Variants in KCNIP1 observed in about 807,000 individuals in gnomAD.
KCNIP1 encodes the protein potassium voltage-gated channel interacting protein 1.
KCNIP1 carries 18 observed loss-of-function variants against 33.0 expected under a neutral mutation model. That is an observed-to-expected ratio of 0.55 (90% confidence interval 0.38 to 0.81). KCNIP1 has a LOEUF of 0.81. Among genes scored for constraint, KCNIP1 ranks in the 30% least tolerant of loss-of-function variants. KCNIP1 has a pLI of 0.00. For missense variants in KCNIP1, 238 were observed against 271.6 expected, an observed-to-expected ratio of 0.88 and a Z score of 0.87; for synonymous variants, 93 against 98.3, an observed-to-expected ratio of 0.95 and a Z score of 0.32.
chr5:170,454,630 T>C (rs1466812785), intron 1 of KCNIP1, among the ~76,000 whole-genome samples: 1 of 152,224 alleles, frequency 6.6e-6, no homozygotes, highest in African/African-American at 2.4e-5. Flanking sequence ...AAACTTTACC[T>C]GGTAAAACTA....
At chr5:170,611,643 C>A (rs1475499038) in intron 1 of KCNIP1, among the ~76,000 whole-genome samples, 2 of 152,200 alleles carry the variant, frequency 1.3e-5, no homozygotes, top group African/African-American at 4.8e-5. Context: ...CCCGGCACAC[C>A]CACCTCCCAA....
intron 1 of KCNIP1, among the ~76,000 whole-genome samples, chr5:170,649,728 A>G (rs1041084367): frequency 1.3e-5 from 2 of 152,136 alleles, no homozygotes; most frequent in Non-Finnish European, 2.9e-5. Flanking sequence ...CACCCAGCCT[A>G]TCCATCCTGG....
At position 170,574,482 on chromosome 5, in the gene KCNIP1, A is replaced by G. The variant is rs79997136; in HGVS notation, c.61+69849A>G. ...GATCAAGGAATAAATGTTTGAAAGCAAAAGTTGTCAGGAGCACCTCCTCCT... is the reference window on the plus strand; with the variant it reads ...GATCAAGGAATAAATGTTTGAAAGCGAAAGTTGTCAGGAGCACCTCCTCCT... On this transcript the variant is annotated intron_variant, in intron 1 of 7. Coordinates refer to ENST00000328939, the MANE Select transcript of KCNIP1 (RefSeq NM_014592.4). 8.7e-3 allele frequency among the ~76,000 whole-genome samples: 1,329 copies of G among 152,358 alleles called. 5 individuals carry two copies. Among genetic ancestry groups the G allele is most frequent in the Admixed American group, 0.014 (208 of 15,302 alleles).
chr5:170,654,602 TG>T (rs1761188914), intron 1 of KCNIP1, among the ~76,000 whole-genome samples: 1 of 152,250 alleles, frequency 6.6e-6, no homozygotes, highest in African/African-American at 2.4e-5. Context: ...CAGCTACTGT[TG>T]GATTTGTTCA....
chr5:170,578,080 T>A (rs1757665089), intron 1 of KCNIP1, among the ~76,000 whole-genome samples: 1 of 152,226 alleles, frequency 6.6e-6, no homozygotes, highest in Non-Finnish European at 1.5e-5. Flanking sequence ...TCAACAAACA[T>A]GTCTTGAGTG....
chr5:170,371,243 G>A (rs939695575), intron 1 of KCNIP1, among the ~76,000 whole-genome samples: 4 of 152,150 alleles, frequency 2.6e-5, no homozygotes, highest in South Asian at 2.1e-4. Flanking sequence ...AGCTGGCCTC[G>A]TGGTCCTGTC....
intron 1 of KCNIP1, among the ~76,000 whole-genome samples, chr5:170,661,700 C>T (rs768885790): frequency 6.6e-6 from 1 of 152,206 alleles, no homozygotes. Context: ...CCCTTTTCAT[C>T]GCTGCAATTC....
At chr5:170,428,835 G>A (rs1755670719) in intron 1 of KCNIP1, among the ~76,000 whole-genome samples, 2 of 152,074 alleles carry the variant, frequency 1.3e-5, no homozygotes, top group South Asian at 4.1e-4. Flanking sequence ...GTGGTGCTAG[G>A]AAAGAAGGTA....
intron 1 of KCNIP1, among the ~76,000 whole-genome samples, chr5:170,631,726 T>C (rs914042675): frequency 6.6e-6 from 1 of 152,188 alleles, no homozygotes; most frequent in South Asian, 2.1e-4. Flanking sequence ...TGCCATCCAC[T>C]GGAGCTGAGA....
chr5:170,596,569 A>T (rs897608963), intron 1 of KCNIP1, among the ~76,000 whole-genome samples: 1 of 152,220 alleles, frequency 6.6e-6, no homozygotes, highest in African/African-American at 2.4e-5. Flanking sequence ...GGAGCCATGG[A>T]GAGAGCATGA....
chr5:170,607,397 A>G (rs1203738036), intron 1 of KCNIP1, among the ~76,000 whole-genome samples: 1 of 152,134 alleles, frequency 6.6e-6, no homozygotes, highest in Non-Finnish European at 1.5e-5. Context: ...AACATAAACA[A>G]TCATTTACAG....
At chr5:170,616,021 C>T (rs1472781269) in intron 1 of KCNIP1, among the ~76,000 whole-genome samples, 1 of 152,138 alleles carries the variant, frequency 6.6e-6, no homozygotes, top group East Asian at 1.9e-4. Flanking sequence ...TCACAGGGGG[C>T]AGCCTTTTGA....
intron 1 of KCNIP1, among the ~76,000 whole-genome samples, chr5:170,613,038 A>ACACCT (rs1759234262): frequency 6.6e-6 from 1 of 152,156 alleles, no homozygotes; most frequent in East Asian, 1.9e-4. Context: ...TCTAGAACTC[A>ACACCT]CACCTGAACG....
intron 1 of KCNIP1, among the ~76,000 whole-genome samples, chr5:170,417,326 C>T (rs989370599): frequency 6.6e-6 from 1 of 152,144 alleles, no homozygotes; most frequent in Non-Finnish European, 1.5e-5. Context: ...CTACAATGAA[C>T]ATGTACTACA....
intron 1 of KCNIP1, among the ~76,000 whole-genome samples, chr5:170,429,739 TG>T (rs1755699525): frequency 1.3e-5 from 2 of 152,364 alleles, no homozygotes; most frequent in African/African-American, 4.8e-5. Flanking sequence ...TCACCTGGCT[TG>T]TTTCACTTAA....
chr5:170,707,889 G>T (rs1042244503), intron 1 of KCNIP1, among the ~76,000 whole-genome samples: 3 of 151,928 alleles, frequency 2.0e-5, no homozygotes, highest in Non-Finnish European at 4.4e-5. Flanking sequence ...GAGCAGGAGG[G>T]GTTTCAAGAT....
At position 170,489,566 on chromosome 5, in the gene KCNIP1, C is replaced by G. The variant is rs10475943; in HGVS notation, c.88+135602C>G. On this transcript the variant is annotated intron_variant, in intron 1 of 7. Transcript: ENST00000377360. The surrounding 1 kb of genome is among the most constrained non-coding windows in gnomAD (Gnocchi z 4.3). The stretch of plus-strand genomic sequence containing the variant: ...ACTGGTGTGCACCCACACCTTCAGA[C>G]AGTTCTGAGCAGACCACGCAAAATA... Among the ~76,000 whole-genome samples the G allele has an allele frequency of 0.016, 2,479 of 152,236 alleles. 60 individuals carry two copies. The highest frequency in any genetic ancestry group is 0.055 in the African/African-American group (2,274 of 41,562).
At chr5:170,451,961 C>A (rs1335621673) in intron 1 of KCNIP1, among the ~76,000 whole-genome samples, 1 of 149,810 alleles carries the variant, frequency 6.7e-6, no homozygotes, top group South Asian at 2.2e-4. Flanking sequence ...CCTGCCCAGG[C>A]CTGGGCTGGT....
chr5:170,735,109 T>C (rs945056121), intron 7 of KCNIP1, among the ~76,000 whole-genome samples: 7 of 152,362 alleles, frequency 4.6e-5, no homozygotes, highest in Admixed American at 1.3e-4. Context: ...ATTTCTGATA[T>C]TGATAATTTG....
Sources: allele counts gnomAD v4.1 joint callset (sites outside exome capture counted in the v4.1 genomes callset), GRCh38; gene constraint gnomAD v4.1.1; non-coding constraint Gnocchi (gnomAD v3.1); transcripts MANE v1.5; gene names NCBI Gene and HGNC (gene_info 2026-07-23, HGNC 2026-07-21).